CREB3L2: variants seen among roughly 807,000 people sequenced by gnomAD.
The protein encoded by CREB3L2 is cAMP responsive element binding protein 3 like 2.
A neutral mutation model predicts 57.2 loss-of-function variants in CREB3L2; 23 were observed. That is an observed-to-expected ratio of 0.40 (90% CI 0.29 to 0.57). CREB3L2 has a LOEUF of 0.57. Among genes scored for constraint, CREB3L2 ranks in the 20% least tolerant of loss-of-function variants. The pLI, the probability that CREB3L2 is intolerant of heterozygous loss-of-function variation, is 0.42. For synonymous variants in CREB3L2, 268 were observed against 265.1 expected, an observed-to-expected ratio of 1.01 and a Z score of -0.11; for missense variants, 628 against 634.7, an observed-to-expected ratio of 0.99 and a Z score of 0.11.
chr7:137,889,268 G>A (rs1044513675), intron 8 of CREB3L2, among the ~76,000 whole-genome samples: 9 of 152,134 alleles, frequency 5.9e-5, no homozygotes, highest in Non-Finnish European at 1.3e-4. Flanking sequence ...GAATATCTTA[G>A]GCTCAAATTG....
At chr7:137,981,221 A>G (rs749713473) in intron 1 of CREB3L2, among the ~76,000 whole-genome samples, 5 of 152,098 alleles carry the variant, frequency 3.3e-5, no homozygotes, top group Admixed American at 1.3e-4. Flanking sequence ...GAAGGAGAGA[A>G]AGGAGAGGAG....
chr7:137,939,514 G>A (rs191350922), intron 1 of CREB3L2, among the ~76,000 whole-genome samples: 125 of 152,290 alleles, frequency 8.2e-4, no homozygotes, highest in African/African-American at 2.8e-3. Flanking sequence ...AGAAATACCC[G>A]TATCAGGTAG....
At position 137,971,946 on chromosome 7, in the gene CREB3L2, T is replaced by A. The variant is rs896621841; in HGVS notation, c.102+29658A>T. On this transcript the variant is annotated intron_variant, in intron 1 of 11. Transcript: ENST00000330387. ...GTTCACTTCCTTAAAAAAAAAAAAA[T>A]AATGGCTAAGTATTAAAATAGGAAA... Among the ~76,000 whole-genome samples the A allele has an allele frequency of 2.3e-3, 322 of 141,722 alleles. 3 individuals carry two copies. The highest frequency in any genetic ancestry group is 6.0e-3 in the African/African-American group (217 of 36,166). 93.0% of individuals were successfully genotyped at this position (141,722 alleles called of 152,430 possible). A position where few individuals can be genotyped will look rare whatever the true frequency, so the allele number is the denominator to read the frequency against.
At chr7:137,890,798 C>G (rs991597619) in intron 8 of CREB3L2, among the ~76,000 whole-genome samples, 2 of 152,182 alleles carry the variant, frequency 1.3e-5, no homozygotes, top group South Asian at 4.1e-4. Flanking sequence ...GCAATGGGAG[C>G]TTGGATGACA....
intron 1 of CREB3L2, among the ~76,000 whole-genome samples, chr7:137,947,879 C>T (rs188597937): frequency 1.0e-3 from 155 of 152,312 alleles, no homozygotes; most frequent in Non-Finnish European, 1.9e-3. Context: ...CCACTTCCTT[C>T]CCCTGCCCTG....
At chr7:137,976,965 T>A (rs1801618633) in intron 1 of CREB3L2, among the ~76,000 whole-genome samples, 1 of 151,936 alleles carries the variant, frequency 6.6e-6, no homozygotes, top group Admixed American at 6.6e-5. Context: ...ACATCAACCA[T>A]CGACAAATGA....
At chr7:137,881,607 T>C (rs1354804493) in intron 11 of CREB3L2, among the ~76,000 whole-genome samples, 2 of 152,194 alleles carry the variant, frequency 1.3e-5, no homozygotes, top group African/African-American at 4.8e-5. Context: ...AATTAGGGGA[T>C]GAAAGCTGAA....
At chr7:137,911,397 CAG>C (rs1338963322) in intron 4 of CREB3L2, among the ~76,000 whole-genome samples, 1 of 152,206 alleles carries the variant, frequency 6.6e-6, no homozygotes, top group Non-Finnish European at 1.5e-5. Context: ...GGAATGAAGA[CAG>C]ACGATATTTT....
rs1249757224 is a variant in CREB3L2 at position 137,994,461 on chromosome 7, T to C, written c.102+7143A>G. ...CAGCTAGCTACCTCCAGCCCTGGTA[T>C]TCTACTCTGACGCCAAGAGTCCAGA... On this transcript the variant is annotated intron_variant, in intron 1 of 11. Coordinates refer to ENST00000330387, the MANE Select transcript of CREB3L2 (RefSeq NM_194071.4). Among the ~76,000 whole-genome samples the C allele has an allele frequency of 3.9e-5, 6 of 152,352 alleles. No individual in the cohort carries two copies. The East Asian group carries it at 1.2e-3, about 29-fold the overall frequency.
At chr7:137,978,223 A>ACT (rs1226569899) in intron 1 of CREB3L2, among the ~76,000 whole-genome samples, 2 of 152,010 alleles carry the variant, frequency 1.3e-5, no homozygotes, top group Non-Finnish European at 1.5e-5. Context: ...ACAGAGATAT[A>ACT]CTCTCTATAC....
intron 1 of CREB3L2, among the ~76,000 whole-genome samples, chr7:137,972,707 A>ACAAAACAAAACAAACAAAC (rs1563270106): frequency 4.5e-5 from 2 of 44,202 alleles, no homozygotes; most frequent in South Asian, 8.9e-4. Flanking sequence ...AAAAAAAAAA[A>ACAAAACAAAACAAACAAAC]AAAAAATATA....
chr7:137,945,798 G>A (rs575604374), intron 1 of CREB3L2, among the ~76,000 whole-genome samples: 2 of 152,184 alleles, frequency 1.3e-5, no homozygotes, highest in South Asian at 2.1e-4. Flanking sequence ...TTATTCACCC[G>A]CCTCCTCATG....
chr7:137,909,289 C>T (rs770309327), intron 4 of CREB3L2, among the ~76,000 whole-genome samples: 33 of 152,160 alleles, frequency 2.2e-4, no homozygotes, highest in Admixed American at 7.2e-4. Context: ...AAGTCTCCCG[C>T]GTCTTTCCTC....
intron 1 of CREB3L2, among the ~76,000 whole-genome samples, chr7:137,963,923 A>G (rs995847242): frequency 6.6e-6 from 1 of 152,248 alleles, no homozygotes; most frequent in African/African-American, 2.4e-5. Flanking sequence ...GAAATGAACA[A>G]ATGATGACAA....
chr7:137,986,471 A>G (rs1290933456), intron 1 of CREB3L2, among the ~76,000 whole-genome samples: 1 of 152,222 alleles, frequency 6.6e-6, no homozygotes, highest in African/African-American at 2.4e-5. Flanking sequence ...CTCATCCATT[A>G]CTTTGACACA....
chr7:137,893,567 C>G (rs1010594255), intron 8 of CREB3L2, among the ~76,000 whole-genome samples: 25 of 151,456 alleles, frequency 1.7e-4, no homozygotes, highest in African/African-American at 5.8e-4. Flanking sequence ...GTGTAGGGAA[C>G]AAATACACAA....
At position 137,970,759 on chromosome 7, in the gene CREB3L2, T is replaced by C. The variant is rs143598673; in HGVS notation, c.102+30845A>G. Among the ~76,000 whole-genome samples, 15 of 152,300 alleles carry C rather than the reference T, an allele frequency of 9.8e-5. 1 individual carries two copies. Among genetic ancestry groups the C allele is most frequent in the East Asian group, 7.7e-4 (4 of 5,182 alleles). The stretch of plus-strand genomic sequence containing the variant: ...TGTGGCCCAGACAGAGCACATTCCA[T>C]AGGGCTGGACAGCAGGCGTGGGGCC... On this transcript the variant is annotated intron_variant, in intron 1 of 11. Transcript: ENST00000330387.
intron 9 of CREB3L2, 27 bp from the exon 10 acceptor site, chr7:137,885,148 A>T: frequency 6.2e-7 from 1 of 1,612,568 alleles, no homozygotes; most frequent in Non-Finnish European, 8.5e-7. Flanking sequence ...GGGGAGAGAG[A>T]ACACGAGGGG....
rs1251857717 is a variant in CREB3L2 at position 137,879,012 on chromosome 7, T to C, written c.*1464A>G. The C allele has an allele frequency of 4.8e-6, 2 of 415,158 alleles. No individual in the cohort carries two copies. Among genetic ancestry groups the C allele is most frequent in the South Asian group, 2.3e-5 (1 of 44,316 alleles). 25.7% of individuals were successfully genotyped at this position (415,158 alleles called of 1,614,324 possible). On this transcript the variant is annotated 3_prime_UTR_variant, in exon 12 of 12. Coordinates refer to ENST00000330387, the MANE Select transcript of CREB3L2 (RefSeq NM_194071.4). ...ATTTCAGCTGCTAATAAAAATAAAA[T>C]ACAAACTCTATGCACATTTCCTACA... is the stretch of plus-strand genomic sequence containing the variant.
Sources: allele counts gnomAD v4.1 joint callset (sites outside exome capture counted in the v4.1 genomes callset), GRCh38; gene constraint gnomAD v4.1.1; transcripts MANE v1.5; gene names NCBI Gene and HGNC (gene_info 2026-07-23, HGNC 2026-07-21).